The following FANCA variants were observed in gnomAD, a reference collection of about 807,000 sequenced individuals.
FANCA encodes the protein FA complementation group A.
Under a neutral mutation model 194.3 loss-of-function variants are expected in FANCA, and 236 were observed. That is an observed-to-expected ratio of 1.21 (90% CI 1.09 to 1.35). The LOEUF (loss-of-function observed/expected upper bound fraction) is 1.35. FANCA is among the 40% of genes most tolerant of loss of function. The probability of loss-of-function intolerance (pLI) is 0.00; values close to 1 mark genes in which losing one functional copy is unlikely to be tolerated. For synonymous variants in FANCA, 1,014 were observed against 715.8 expected (o/e 1.42, Z -6.65); for missense variants, 2,628 against 1,813.9 (o/e 1.45, Z -8.15).
chr16:89,792,641 TC>T, intron 11 of FANCA, 94 bp from the exon 12 acceptor site: 1 of 1,023,204 alleles, frequency 9.8e-7, no homozygotes, highest in Non-Finnish European at 1.5e-6. Context: ...GGTGGGTCTC[TC>T]CCCGTGTGCG....
chr16:89,748,181 C>T (rs996074465), intron 33 of FANCA, among the ~76,000 whole-genome samples: 11 of 152,182 alleles, frequency 7.2e-5, no homozygotes, highest in African/African-American at 1.9e-4. Context: ...GCTGGGATTA[C>T]GGGCGTGAGC....
In FANCA at chr16:89,749,833, G is replaced by A. The variant is rs747913731; in HGVS notation, c.3136C>T (p.His1046Tyr). ...VPLGHTPSQE[H>Y]FLFEIFRRRL... ...CTGCGGAAAATCTCAAAGAGGAAGT[G>A]CTCCTGGGAAGGGGTGTGGCCGAGA... Residue 1046 changes from histidine (H) to tyrosine (Y), a missense_variant, in exon 32 of 43, where the codon CAC (histidine) becomes TAC (tyrosine). Transcript: ENST00000389301. 2.1e-5 allele frequency: 34 copies of A among 1,614,098 alleles called. No homozygotes were observed. The highest frequency in any genetic ancestry group is 1.6e-5 in the Non-Finnish European group (19 of 1,180,044).
intron 11 of FANCA, among the ~76,000 whole-genome samples, chr16:89,794,915 A>G (rs1171989849): frequency 6.6e-6 from 1 of 152,180 alleles, no homozygotes; most frequent in East Asian, 1.9e-4. Flanking sequence ...TAGCCAGCAG[A>G]AAGATAACGT....
At chr16:89,747,162 G>A (rs1045747713) in intron 33 of FANCA, among the ~76,000 whole-genome samples, 14 of 152,212 alleles carry the variant, frequency 9.2e-5, no homozygotes, top group African/African-American at 3.1e-4. Flanking sequence ...GGAGGCACAA[G>A]CAGCCGCAGG....
Position 89,737,856 on chromosome 16 carries a change from A to G in FANCA, c.*745T>C, listed in dbSNP as rs1374639999. On this transcript the variant is annotated 3_prime_UTR_variant, in exon 43 of 43. Transcript: ENST00000389301. ...ATGTGGACAAACCTTCAAGCAGCGG[A>G]AGCACCTTCTCGTCCACCAAATGCG... The G allele has an allele frequency of 6.2e-7, 1 of 1,614,168 alleles. No individual in the cohort carries two copies.
chr16:89,814,832 T>C (rs888957113), intron 2 of FANCA, among the ~76,000 whole-genome samples: 5 of 151,802 alleles, frequency 3.3e-5, no homozygotes, highest in African/African-American at 1.2e-4. Context: ...TCCCAGCCAC[T>C]CGGGAGGCTG....
In FANCA at chr16:89,765,032, G is replaced by A. The variant is rs375919830; in HGVS notation, c.2636C>T (p.Ala879Val). 1 of 1,614,252 alleles carries A rather than the reference G, an allele frequency of 6.2e-7. No individual in the cohort carries two copies. Among genetic ancestry groups the A allele is most frequent in the Non-Finnish European group, 8.5e-7 (1 of 1,180,040 alleles). Residue 879 changes from alanine to valine, a missense_variant, in exon 28 of 43, where the codon GCC becomes GTC. Coordinates refer to ENST00000389301, the MANE Select transcript of FANCA (RefSeq NM_000135.4). ...GTCCTCCTCAGAAAGAGGCTGTCGG[G>A]CCTCTGAGAACAATCTGAACATGAG... ...QFLMFRLFSE[A>V]RQPLSEEDVA... is the part of the protein sequence containing the mutation.
At chr16:89,780,441 G>C (rs1344505231) in intron 17 of FANCA, among the ~76,000 whole-genome samples, 1 of 152,084 alleles carries the variant, frequency 6.6e-6, no homozygotes, top group Non-Finnish European at 1.5e-5. Flanking sequence ...TGGGCAACAT[G>C]ATGACATCTC....
chr16:89,811,737 TTTTA>T (rs2040889552), intron 3 of FANCA, among the ~76,000 whole-genome samples: 2 of 151,528 alleles, frequency 1.3e-5, no homozygotes, highest in Non-Finnish European at 1.5e-5. Flanking sequence ...TTTTTTTTTG[TTTTA>T]TTTTTTTGCA....
At chr16:89,751,770 CTT>C (rs35187435) in intron 31 of FANCA, among the ~76,000 whole-genome samples, 5 of 144,892 alleles carry the variant, frequency 3.5e-5, no homozygotes, top group South Asian at 2.2e-4. Flanking sequence ...CAATAAATAT[CTT>C]TTTTTTTTTT....
At chr16:89,801,974 A>G (rs1384673604) in intron 8 of FANCA, among the ~76,000 whole-genome samples, 1 of 152,252 alleles carries the variant, frequency 6.6e-6, no homozygotes, top group Non-Finnish European at 1.5e-5. Context: ...AAGGAAAGGA[A>G]ATCAGCCAGC....
intron 23 of FANCA, among the ~76,000 whole-genome samples, chr16:89,771,155 C>CAAAAAAAA (rs34471552): frequency 1.1e-4 from 6 of 56,646 alleles, no homozygotes; most frequent in African/African-American, 4.4e-4. Flanking sequence ...AAGACTCAGT[C>CAAAAAAAA]AAAAAAAAAA....
At chr16:89,807,184 C>CA (rs1464623646) in intron 6 of FANCA, among the ~76,000 whole-genome samples, 3 of 134,378 alleles carry the variant, frequency 2.2e-5, no homozygotes, top group African/African-American at 8.2e-5. Context: ...GCAGGTTTTT[C>CA]TTTTTTTTTT....
intron 42 of FANCA, 51 bp downstream of exon 42, chr16:89,738,831 T>C: frequency 6.2e-7 from 1 of 1,614,144 alleles, no homozygotes; most frequent in Non-Finnish European, 8.5e-7. Flanking sequence ...CCCAGGCAGC[T>C]GTCAATTCTC....
chr16:89,778,788 C>T lies in FANCA; in HGVS notation c.1826+13G>A. The T allele has an allele frequency of 4.3e-6, 7 of 1,613,066 alleles. No individual in the cohort carries two copies. The highest frequency in any genetic ancestry group is 1.3e-5 in the African/African-American group (1 of 74,994). ...CTGGAAGTAGTCATCCCCTTCTAAC[C>T]GTTGCTGCATACCTCTTCAGAGACT... On this transcript the variant is annotated intron_variant, in intron 20 of 42. Transcript: ENST00000389301.
At chr16:89,814,452 G>C in intron 3 of FANCA, 68 bp downstream of exon 3, 1 of 1,231,772 alleles carries the variant, frequency 8.1e-7, no homozygotes, top group Non-Finnish European at 1.2e-6. Context: ...ACTTAATTTA[G>C]CAAACTATGG....
chr16:89,739,058 C>G (rs574812539), intron 41 of FANCA, 75 bp downstream of exon 41: 15 of 1,613,942 alleles, frequency 9.3e-6, no homozygotes, highest in Admixed American at 1.7e-5. Flanking sequence ...CATGCTGTGC[C>G]GGAACATTCT....
intron 22 of FANCA, among the ~76,000 whole-genome samples, chr16:89,773,029 C>G (rs909540879): frequency 6.6e-6 from 1 of 152,152 alleles, no homozygotes; most frequent in African/African-American, 2.4e-5. Flanking sequence ...TCGTCCTACT[C>G]AGATGCAACT....
chr16:89,746,778 T>C (rs2143108150), intron 34 of FANCA, 53 bp downstream of exon 34: 2 of 1,586,400 alleles, frequency 1.3e-6, no homozygotes, highest in South Asian at 2.3e-5. Flanking sequence ...GACAGGAGGA[T>C]CCACCCACGG....
Sources: gnomAD v4.1 joint callset for allele counts (sites outside exome capture counted in the v4.1 genomes callset) on GRCh38, gnomAD v4.1.1 for gene constraint, MANE v1.5 for transcripts, NCBI Gene and HGNC (gene_info 2026-07-23, HGNC 2026-07-21) for gene names.